Variants in BRWD3 observed in about 807,000 individuals in gnomAD.
The protein encoded by BRWD3 is bromodomain and WD repeat domain containing 3, also known as bromodomain and WD repeat-containing protein 3.
Under a neutral mutation model 149.7 loss-of-function variants are expected in BRWD3, and 10 were observed. The ratio of observed to expected loss-of-function variants is 0.07; its 90% CI spans 0.04 to 0.11. BRWD3 has a LOEUF of 0.11. Among genes scored for constraint, BRWD3 ranks in the 10% least tolerant of loss-of-function variants. The probability of loss-of-function intolerance (pLI) is 1.00; values close to 1 mark genes in which losing one functional copy is unlikely to be tolerated. For synonymous variants in BRWD3, 504 were observed against 456.7 expected, an observed-to-expected ratio of 1.10 and a Z score of -1.32; for missense variants, 940 against 1,373.2, an observed-to-expected ratio of 0.68 and a Z score of 4.99.
intron 4 of BRWD3, among the ~76,000 whole-genome samples, chrX:80,795,637 T>C (rs1384795626): frequency 9.1e-6 from 1 of 109,374 alleles, no homozygotes; most frequent in East Asian, 2.9e-4. Context: ...TCCCAGCACT[T>C]TGGGAGGCAA....
chrX:80,747,698 C>T (rs1021718801), intron 6 of BRWD3, among the ~76,000 whole-genome samples: 2 of 111,602 alleles, frequency 1.8e-5, no homozygotes, highest in South Asian at 3.7e-4. Context: ...TAGATTCTAT[C>T]GTAAATGGAA....
At chrX:80,741,260 T>G (rs1344073071) in intron 8 of BRWD3, among the ~76,000 whole-genome samples, 1 of 112,168 alleles carries the variant, frequency 8.9e-6, no homozygotes, top group African/African-American at 3.2e-5. Flanking sequence ...TATGGCTGCA[T>G]AGTATTCCAT....
Position 80,687,019 on chromosome X carries a change from G to A in BRWD3, c.3865-16C>T. 1 of 1,202,374 alleles carries A rather than the reference G, an allele frequency of 8.3e-7. No individual in the cohort carries two copies. The highest frequency in any genetic ancestry group is 1.1e-6 in the Non-Finnish European group (1 of 888,773). ...GGCATTTGACCTACAGATTTTAATA[G>A]AGTTATATCTAAAAGATCTTTCCTT... On this transcript the variant is annotated splice_polypyrimidine_tract_variant and intron_variant, in intron 34 of 40. Coordinates refer to ENST00000373275, the MANE Select transcript of BRWD3 (RefSeq NM_153252.5).
chrX:80,694,405 G>A (rs1175665318), intron 27 of BRWD3, among the ~76,000 whole-genome samples: 1 of 111,691 alleles, frequency 9.0e-6, no homozygotes, highest in African/African-American at 3.3e-5. Context: ...CCCCCACTGG[G>A]GTACTGCCTA....
chrX:80,801,677 C>A (rs2147866901), intron 4 of BRWD3, among the ~76,000 whole-genome samples: 1 of 108,279 alleles, frequency 9.2e-6, no homozygotes, highest in African/African-American at 3.4e-5. Context: ...CCCACGTCTA[C>A]TAAAAATACA....
intron 26 of BRWD3, 100 bp from the exon 27 acceptor site, chrX:80,696,090 A>G: frequency 1.3e-6 from 1 of 748,655 alleles, no homozygotes; most frequent in Non-Finnish European, 2.0e-6. Context: ...CCATTGAGAA[A>G]AGTTTGCAAA....
intron 6 of BRWD3, among the ~76,000 whole-genome samples, chrX:80,786,135 C>T (rs2074105385): frequency 1.8e-5 from 2 of 112,327 alleles, no homozygotes; most frequent in African/African-American, 6.5e-5. Flanking sequence ...TAGATCCACA[C>T]TATCCAATAT....
At position 80,792,944 on chromosome X, in the gene BRWD3, A is replaced by G. The variant is rs577374589; in HGVS notation, c.331+678T>C. The stretch of plus-strand genomic sequence containing the variant: ...TTTGGGAGGCTGAGGCAGGCGGATC[A>G]CGAGGTCAAGAGATCAAGACCATCC... On this transcript the variant is annotated intron_variant, in intron 5 of 40. Coordinates refer to ENST00000373275, the MANE Select transcript of BRWD3 (RefSeq NM_153252.5). Among the ~76,000 whole-genome samples, 3 of 109,351 alleles carry G rather than the reference A, an allele frequency of 2.7e-5. No individual in the cohort carries two copies. In the South Asian group the frequency reaches 1.2e-3, roughly 42 times the overall value. The allele number at this position is 109,351 out of a possible 115,157, so 95.0% of individuals were successfully genotyped here.
intron 14 of BRWD3, among the ~76,000 whole-genome samples, chrX:80,728,385 G>A (rs1215777922): frequency 9.0e-6 from 1 of 110,909 alleles, no homozygotes; most frequent in East Asian, 2.8e-4. Context: ...CCTATTCCTT[G>A]AAAAAACTAT....
chrX:80,678,245 G>T (rs1467243832), intron 40 of BRWD3, among the ~76,000 whole-genome samples: 1 of 111,873 alleles, frequency 8.9e-6, no homozygotes, highest in African/African-American at 3.2e-5. Flanking sequence ...TTTCCTTCTA[G>T]AGAAACCTTT....
intron 6 of BRWD3, among the ~76,000 whole-genome samples, chrX:80,784,224 A>G (rs1302888047): frequency 1.8e-5 from 2 of 110,831 alleles, no homozygotes; most frequent in Non-Finnish European, 3.8e-5. Context: ...ACCTATAAAA[A>G]CCAGAAATTG....
At chrX:80,731,665 C>T (rs1348162320) in intron 12 of BRWD3, among the ~76,000 whole-genome samples, 1 of 110,068 alleles carries the variant, frequency 9.1e-6, no homozygotes, top group African/African-American at 3.3e-5. Context: ...GAGGCCGAGG[C>T]GGGCAGATCA....
chrX:80,745,419 A>G (rs747175231), intron 7 of BRWD3, 150 bp downstream of exon 7: 7 of 479,004 alleles, frequency 1.5e-5, no homozygotes, highest in Non-Finnish European at 2.4e-5. Context: ...ATATAAAATG[A>G]GAAACTTTTT....
At chrX:80,806,570 C>G (rs1045006777) in intron 4 of BRWD3, among the ~76,000 whole-genome samples, 1 of 111,505 alleles carries the variant, frequency 9.0e-6, no homozygotes, top group Non-Finnish European at 1.9e-5. Context: ...GGAATAAAGT[C>G]CAGGAAAATA....
intron 25 of BRWD3, among the ~76,000 whole-genome samples, chrX:80,699,701 C>T (rs2072753501): frequency 1.8e-5 from 2 of 111,780 alleles, no homozygotes; most frequent in Admixed American, 1.9e-4. Flanking sequence ...CGGAAAATAT[C>T]CACAAAGGGG....
chrX:80,805,717 C>T (rs991838397), intron 4 of BRWD3, among the ~76,000 whole-genome samples: 1 of 111,880 alleles, frequency 8.9e-6, no homozygotes, highest in African/African-American at 3.3e-5. Context: ...TTACGAATCA[C>T]GAGGTCAAGA....
chrX:80,710,622 C>A (rs2072950148), intron 20 of BRWD3: 1 of 538,822 alleles, frequency 1.9e-6, no homozygotes. Context: ...CCTGGAAGGT[C>A]TTGAAGAAAG....
intron 4 of BRWD3, among the ~76,000 whole-genome samples, chrX:80,800,124 A>C (rs1430798970): frequency 9.1e-6 from 1 of 110,017 alleles, no homozygotes; most frequent in Non-Finnish European, 1.9e-5. Context: ...TCACCCTTGA[A>C]AAATATAAGA....
intron 29 of BRWD3, 25 bp from the exon 30 acceptor site, chrX:80,692,003 A>G: frequency 8.5e-7 from 1 of 1,178,270 alleles, no homozygotes; most frequent in Admixed American, 2.3e-5. Context: ...AAAAAAAAAA[A>G]ATTAGAAAAA....
Sources: gnomAD v4.1 joint callset for allele counts (sites outside exome capture counted in the v4.1 genomes callset) on GRCh38, gnomAD v4.1.1 for gene constraint, MANE v1.5 for transcripts, NCBI Gene and HGNC (gene_info 2026-07-23, HGNC 2026-07-21) for gene names.